CHRD: variants seen among roughly 807,000 people sequenced by gnomAD.
CHRD encodes chordin.
A neutral mutation model predicts 113.7 loss-of-function variants in CHRD; 69 were observed. That is an observed-to-expected ratio of 0.61 (90% confidence interval 0.50 to 0.74). The LOEUF (loss-of-function observed/expected upper bound fraction) is 0.74. Among genes scored for constraint, CHRD ranks in the 30% least tolerant of loss-of-function variants. The pLI, the probability that CHRD is intolerant of heterozygous loss-of-function variation, is 0.00. For synonymous variants in CHRD, 561 were observed against 540.8 expected, an observed-to-expected ratio of 1.04 and a Z score of -0.52; for missense variants, 1,194 against 1,295.8, an observed-to-expected ratio of 0.92 and a Z score of 1.21.
rs1243783169 is a variant in CHRD, at chr3:184,381,533, C to A, written c.420C>A (p.Ser140=). Residue 140 remains serine, a synonymous_variant, in exon 4 of 23, where the codon TCC becomes TCA. Transcript: ENST00000204604. This position sits in a 1 kb window ranked among gnomAD's most constrained non-coding sequence, Gnocchi z 4.7. ...CGGAGCGGCAGCCGAGCGGCCTGTCCTTCGAGTATCCGCGGGACCCGGAGC... is the reference window on the plus strand; with the variant it reads ...CGGAGCGGCAGCCGAGCGGCCTGTCATTCGAGTATCCGCGGGACCCGGAGC... The A allele has an allele frequency of 6.2e-7, 1 of 1,606,954 alleles. No individual in the cohort carries two copies. The highest frequency in any genetic ancestry group is 1.3e-5 in the African/African-American group (1 of 74,942).
intron 15 of CHRD, 86 bp downstream of exon 15, chr3:184,386,245 GTC>G: frequency 1.4e-6 from 2 of 1,422,382 alleles, no homozygotes; most frequent in Non-Finnish European, 2.0e-6. Context: ...GTCACTTGCT[GTC>G]TCTGAGTCCT....
rs766872405 is a variant in CHRD, at chr3:184,386,038, A to T, written c.1819-8A>T. ...CTTATTCCTATCCATTGTCCTGTCT[A>T]TGTGCAGGCCCAGGGTGTGGTGAAG... On this transcript the variant is annotated splice_region_variant and splice_polypyrimidine_tract_variant and intron_variant, in intron 14 of 22. Transcript: ENST00000204604. 1.9e-6 allele frequency: 3 copies of T among 1,613,926 alleles called. No homozygotes were observed. Among genetic ancestry groups the T allele is most frequent in the Non-Finnish European group, 2.5e-6 (3 of 1,179,964 alleles).
chr3:184,388,969 G>A lies in CHRD; in HGVS notation c.2786G>A (p.Cys929Tyr). The A allele has an allele frequency of 6.2e-7, 1 of 1,612,162 alleles. No homozygotes were observed. ...GGCTCGGGGAAGGAGAGTCGATGCT[G>A]TTCCCGCTGCACGGCCCACCGGCGG... is the stretch of plus-strand genomic sequence containing the variant. The change falls in exon 22 of 23, where the codon TGT (cysteine) becomes TAT (tyrosine). Residue 929 changes from cysteine (C) to tyrosine (Y), a missense_variant. By Grantham distance (194) the Cys-to-Tyr change is radical. Transcript: ENST00000204604. This position sits in a 1 kb window ranked among gnomAD's most constrained non-coding sequence, Gnocchi z 6.1.
Position 184,380,385 on chromosome 3 carries a change from C to T in CHRD, c.67C>T (p.Pro23Ser), listed in dbSNP as rs1483233327. The T allele has an allele frequency of 7.4e-7, 1 of 1,343,956 alleles. No individual in the cohort carries two copies. The highest frequency in any genetic ancestry group is 9.6e-7 in the Non-Finnish European group (1 of 1,038,242). The allele number at this position is 1,343,956 out of a possible 1,614,324, so 83.3% of individuals were successfully genotyped here. The change falls in exon 1 of 23, where the codon CCG (proline) becomes TCG (serine). Residue 23 changes from proline to serine, a missense_variant. Coordinates refer to ENST00000204604, the Ensembl canonical transcript of CHRD. The surrounding 1 kb of genome is among the most constrained non-coding windows in gnomAD (Gnocchi z 6.3). ...CGGGCTGCTGCTGCTCGGCTCCCGG[C>T]CGGCCCGCGGCGCCGGCCCAGAGCC...
At chr3:184,382,641 C>T (rs1324483958) in exon 8 of CHRD, 1 of 1,613,012 alleles carries the variant, frequency 6.2e-7, no homozygotes, top group Non-Finnish European at 8.5e-7. Context: ...CAGAGACCTT[C>T]AGTGCCATCC....
intron 15 of CHRD, 44 bp from the exon 16 acceptor site, chr3:184,386,448 C>G: frequency 6.5e-7 from 1 of 1,529,926 alleles, no homozygotes; most frequent in Non-Finnish European, 8.8e-7. Context: ...GGTAAAGACG[C>G]GAGGGGGAGC....
rs1715332872 is a variant in CHRD, at chr3:184,381,231, G to A, written c.253-4G>A. On this transcript the variant is annotated splice_region_variant and splice_polypyrimidine_tract_variant and intron_variant, in intron 2 of 22. Coordinates refer to ENST00000204604, the Ensembl canonical transcript of CHRD. The surrounding 1 kb of genome is among the most constrained non-coding windows in gnomAD (Gnocchi z 4.7). Reference sequence around the variant, plus strand: ...CTTGGGTTTCCCGCCTTTTCCGGGAGCAGCCTCAGTGGGGTCGCCGTACCA... The same window carrying A: ...CTTGGGTTTCCCGCCTTTTCCGGGAACAGCCTCAGTGGGGTCGCCGTACCA... The A allele has an allele frequency of 6.2e-7, 1 of 1,613,220 alleles. No individual in the cohort carries two copies. Among genetic ancestry groups the A allele is most frequent in the Non-Finnish European group, 8.5e-7 (1 of 1,179,980 alleles).
chr3:184,380,256 C>G lies in CHRD; in HGVS notation c.-63C>G. ...CCCTCCGCCCTCCGCACTCCCGCCT[C>G]CCTCCCTCCGCCCGCTCCCGCGCCC... On this transcript the variant is annotated 5_prime_UTR_variant, in exon 1 of 23. Transcript: ENST00000204604. This position sits in a 1 kb window ranked among gnomAD's most constrained non-coding sequence, Gnocchi z 6.3. 1 of 489,420 alleles carries G rather than the reference C, an allele frequency of 2.0e-6. No homozygotes were observed. The highest frequency in any genetic ancestry group is 2.9e-6 in the Non-Finnish European group (1 of 346,728). 30.3% of individuals were successfully genotyped at this position (489,420 alleles called of 1,614,324 possible). A position where few individuals can be genotyped will look rare whatever the true frequency, so the allele number is the denominator to read the frequency against.
chr3:184,386,086 G>T, exon 15 of CHRD: 3 of 1,614,202 alleles, frequency 1.9e-6, no homozygotes, highest in Non-Finnish European at 2.5e-6. Flanking sequence ...GAACTGCTGC[G>T]GCACCTGGCA....
At position 184,381,321 on chromosome 3, in the gene CHRD, G is replaced by T; in HGVS notation, c.339G>T (p.Gln113His). The T allele has an allele frequency of 6.2e-7, 1 of 1,607,682 alleles. No individual in the cohort carries two copies. Reference sequence around the variant, plus strand: ...AGTGCCCAACCCCGGCCTGTGGGCAGCCGCGCCAGCTGCCGGGACACTGCT... The same window carrying T: ...AGTGCCCAACCCCGGCCTGTGGGCATCCGCGCCAGCTGCCGGGACACTGCT... The change falls in exon 3 of 23, where the codon CAG becomes CAT. Residue 113 changes from glutamine (Q) to histidine (H), a missense_variant. Transcript: ENST00000204604. The surrounding 1 kb of genome is among the most constrained non-coding windows in gnomAD (Gnocchi z 4.7).
exon 8 of CHRD, chr3:184,382,725 C>A: frequency 6.2e-7 from 1 of 1,613,948 alleles, no homozygotes; most frequent in Non-Finnish European, 8.5e-7. Context: ...CAGAGGACTC[C>A]TTGCATTTTT....
chr3:184,383,714 G>A, intron 12 of CHRD, 72 bp downstream of exon 12: 1 of 1,462,806 alleles, frequency 6.8e-7, no homozygotes, highest in Non-Finnish European at 9.2e-7. Flanking sequence ...TGGATGAGCA[G>A]GGATGTTCAT....
exon 16 of CHRD, chr3:184,386,661 A>C: frequency 6.2e-7 from 1 of 1,611,656 alleles, no homozygotes; most frequent in Non-Finnish European, 8.5e-7. Context: ...CGGCCCCGAG[A>C]CCCCAACACA....
chr3:184,384,898 G>T lies in CHRD; in HGVS notation c.1598-120G>T. 1 of 1,246,972 alleles carries T rather than the reference G, an allele frequency of 8.0e-7. No homozygotes were observed. Among genetic ancestry groups the T allele is most frequent in the Non-Finnish European group, 1.1e-6 (1 of 880,018 alleles). 77.2% of individuals were successfully genotyped at this position (1,246,972 alleles called of 1,614,324 possible). A position where few individuals can be genotyped will look rare whatever the true frequency, so the allele number is the denominator to read the frequency against. ...TAAAACTTGCTGCTCTCCAGGCCCT[G>T]GACCTATGGACAGTGTCTTCCAGCT... On this transcript the variant is annotated intron_variant, in intron 13 of 22. Transcript: ENST00000204604. This position sits in a 1 kb window ranked among gnomAD's most constrained non-coding sequence, Gnocchi z 4.4.
Position 184,380,547 on chromosome 3 carries a change from G to A in CHRD, c.148+81G>A, listed in dbSNP as rs747385357. On this transcript the variant is annotated intron_variant, in intron 1 of 22. Coordinates refer to ENST00000204604, the Ensembl canonical transcript of CHRD. The surrounding 1 kb of genome is among the most constrained non-coding windows in gnomAD (Gnocchi z 6.3). ...CGCCAGCCCGGAGGGGGCGCGGGGCGCAGGTGGCTCGGCGCGGCGGGCGGC... is the reference window on the plus strand; with the variant it reads ...CGCCAGCCCGGAGGGGGCGCGGGGCACAGGTGGCTCGGCGCGGCGGGCGGC... 2.9e-6 allele frequency: 3 copies of A among 1,046,826 alleles called. No individual in the cohort carries two copies. Among genetic ancestry groups the A allele is most frequent in the Non-Finnish European group, 2.4e-6 (2 of 846,056 alleles). 64.8% of individuals were successfully genotyped at this position (1,046,826 alleles called of 1,614,324 possible).
chr3:184,381,485 C>A lies in CHRD; in HGVS notation c.383-11C>A, dbSNP rs539327743. On this transcript the variant is annotated splice_polypyrimidine_tract_variant and intron_variant, in intron 3 of 22. Transcript: ENST00000204604. This position sits in a 1 kb window ranked among gnomAD's most constrained non-coding sequence, Gnocchi z 4.7. Reference sequence around the variant, plus strand: ...CAGCTGAAGCCCGTGTTCTTACCCCCCCGCCCGCAGAGCGCAGCAGTTCGG... The same window carrying A: ...CAGCTGAAGCCCGTGTTCTTACCCCACCGCCCGCAGAGCGCAGCAGTTCGG... 25 of 1,587,050 alleles carry A rather than the reference C, an allele frequency of 1.6e-5. No individual in the cohort carries two copies. The highest frequency in any genetic ancestry group is 1.7e-4 in the Middle Eastern group (1 of 5,912).
In CHRD at chr3:184,380,557, C is replaced by G. The variant is rs1194207739; in HGVS notation, c.148+91C>G. On this transcript the variant is annotated intron_variant, in intron 1 of 22. Transcript: ENST00000204604. This position sits in a 1 kb window ranked among gnomAD's most constrained non-coding sequence, Gnocchi z 6.3. ...GAGGGGGCGCGGGGCGCAGGTGGCT[C>G]GGCGCGGCGGGCGGCCCGGAGGGTG... is the stretch of plus-strand genomic sequence containing the variant. The G allele has an allele frequency of 9.8e-7, 1 of 1,023,898 alleles. No homozygotes were observed. The highest frequency in any genetic ancestry group is 1.2e-6 in the Non-Finnish European group (1 of 826,132). 63.4% of individuals were successfully genotyped at this position (1,023,898 alleles called of 1,614,324 possible). A position where few individuals can be genotyped will look rare whatever the true frequency, so the allele number is the denominator to read the frequency against.
chr3:184,380,895 C>A lies in CHRD; in HGVS notation c.252+100C>A. 2.2e-6 allele frequency: 2 copies of A among 916,396 alleles called. No homozygotes were observed. Among genetic ancestry groups the A allele is most frequent in the South Asian group, 1.5e-5 (1 of 64,604 alleles). 56.8% of individuals were successfully genotyped at this position (916,396 alleles called of 1,614,324 possible). A position where few individuals can be genotyped will look rare whatever the true frequency, so the allele number is the denominator to read the frequency against. ...CGGAGCTGCTGAGAAGGAGCCCAGT[C>A]GGCAGATGTTGGGGATATTTTTCTG... is the stretch of plus-strand genomic sequence containing the variant. On this transcript the variant is annotated intron_variant, in intron 2 of 22. Coordinates refer to ENST00000204604, the Ensembl canonical transcript of CHRD. The surrounding 1 kb of genome is among the most constrained non-coding windows in gnomAD (Gnocchi z 6.3).
chr3:184,390,635 C>T (rs750717377), downstream of CHRD: 1 of 152,074 alleles, frequency 6.6e-6, no homozygotes, highest in Non-Finnish European at 1.5e-5. Flanking sequence ...ACCATCAAGA[C>T]CCAGGCATTT....
Sources: gnomAD v4.1 joint callset for allele counts on GRCh38, gnomAD v4.1.1 for gene constraint, Gnocchi (gnomAD v3.1) non-coding constraint, MANE v1.5 for transcripts, NCBI Gene and HGNC (gene_info 2026-07-23, HGNC 2026-07-21) for gene names.